The following KCNN2 variants were observed in gnomAD, a reference collection of about 807,000 sequenced individuals.
KCNN2 encodes potassium calcium-activated channel subfamily N member 2.
In KCNN2, 24 loss-of-function variants were observed where a neutral mutation model predicts 55.5. The ratio of observed to expected loss-of-function variants is 0.43; its 90% confidence interval spans 0.31 to 0.61. The LOEUF is 0.61. Ranked by LOEUF, KCNN2 falls within the 20% of genes least tolerant of loss-of-function variation. KCNN2 has a pLI of 0.08. For synonymous variants in KCNN2, 431 were observed against 336.1 expected (o/e 1.28, Z -3.09); for missense variants, 754 against 853.6 (o/e 0.88, Z 1.45).
rs529745702 is a variant in KCNN2, at chr5:114,288,871, G to A, written c.-185+67306G>A. Among the ~76,000 whole-genome samples the A allele has an allele frequency of 3.3e-5, 5 of 152,070 alleles. No individual in the cohort carries two copies. In the South Asian group the frequency reaches 1.0e-3, roughly 32 times the overall value. On this transcript the variant is annotated intron_variant, in intron 2 of 10. Transcript: ENST00000512097. ...CACAAGACTTTTTAAATTTGATGAAGTTCAGCTTATTTTTTTTTCATTGCT... is the reference window on the plus strand; with the variant it reads ...CACAAGACTTTTTAAATTTGATGAAATTCAGCTTATTTTTTTTTCATTGCT...
At chr5:114,466,427 AGTAATTGT>A (rs1761455138) in intron 4 of KCNN2, among the ~76,000 whole-genome samples, 1 of 152,066 alleles carries the variant, frequency 6.6e-6, no homozygotes, top group Non-Finnish European at 1.5e-5. Context: ...TTTCCAATAA[AGTAATTGT>A]TTTACTTAGC....
At chr5:114,287,669 G>A (rs1215052989) in intron 2 of KCNN2, among the ~76,000 whole-genome samples, 1 of 151,844 alleles carries the variant, frequency 6.6e-6, no homozygotes, top group Non-Finnish European at 1.5e-5. Flanking sequence ...AAACCTAGAT[G>A]ACGGGTTGAT....
At chr5:114,202,583 ATATTT>A (rs1561520883) in intron 1 of KCNN2, among the ~76,000 whole-genome samples, 1 of 55,404 alleles carries the variant, frequency 1.8e-5, no homozygotes, top group African/African-American at 5.3e-5. Flanking sequence ...ATATATATAT[ATATTT>A]TTTTTTTTTT....
intron 1 of KCNN2, among the ~76,000 whole-genome samples, chr5:114,093,936 A>T (rs1751202026): frequency 6.6e-6 from 1 of 152,208 alleles, no homozygotes; most frequent in African/African-American, 2.4e-5. Flanking sequence ...CTCAGTTTAT[A>T]GGTGAAAAAC....
At chr5:114,460,316 C>T (rs1475753037) in intron 3 of KCNN2, among the ~76,000 whole-genome samples, 1 of 152,142 alleles carries the variant, frequency 6.6e-6, no homozygotes, top group Admixed American at 6.5e-5. Context: ...AGTCTTGGCT[C>T]ACTGCAACCT....
intron 6 of KCNN2, 129 bp from the exon 7 acceptor site, chr5:114,493,274 T>C: frequency 1.3e-6 from 1 of 745,078 alleles, no homozygotes; most frequent in East Asian, 2.5e-5. Context: ...CAGTTTGGAC[T>C]TACCCCAAAT....
intron 2 of KCNN2, among the ~76,000 whole-genome samples, chr5:114,232,555 C>T (rs575263830): frequency 2.6e-5 from 4 of 151,152 alleles, no homozygotes; most frequent in East Asian, 1.9e-4. Flanking sequence ...CCTGTGTCCA[C>T]GATAATGAGT....
intron 2 of KCNN2, among the ~76,000 whole-genome samples, chr5:114,345,114 T>G (rs1294937524): frequency 6.6e-6 from 1 of 152,124 alleles, no homozygotes; most frequent in Non-Finnish European, 1.5e-5. Context: ...CAATGCTACA[T>G]CCACACAGTG....
chr5:114,296,778 A>G (rs1426429414), intron 2 of KCNN2, among the ~76,000 whole-genome samples: 1 of 152,218 alleles, frequency 6.6e-6, no homozygotes, highest in Non-Finnish European at 1.5e-5. Flanking sequence ...GAATAAGTAA[A>G]TATTGTTTGT....
intron 1 of KCNN2, among the ~76,000 whole-genome samples, chr5:114,197,578 G>T (rs1185187422): frequency 6.6e-6 from 1 of 152,158 alleles, no homozygotes; most frequent in African/African-American, 2.4e-5. Context: ...TGCAGCTTCT[G>T]GGGTAGAGCT....
At chr5:114,370,305 G>A (rs369871045) in intron 2 of KCNN2, among the ~76,000 whole-genome samples, 5 of 152,016 alleles carry the variant, frequency 3.3e-5, no homozygotes, top group South Asian at 4.2e-4. Context: ...AAGATTTTAC[G>A]TTCAGGTGAA....
intron 4 of KCNN2, among the ~76,000 whole-genome samples, chr5:114,464,081 G>A (rs1023036540): frequency 8.5e-5 from 13 of 152,234 alleles, no homozygotes; most frequent in Non-Finnish European, 1.3e-4. Flanking sequence ...ACATGCCATC[G>A]TTCTTCTGGC....
chr5:114,160,665 T>C (rs1468550622), intron 1 of KCNN2, among the ~76,000 whole-genome samples: 2 of 152,224 alleles, frequency 1.3e-5, no homozygotes, highest in Non-Finnish European at 2.9e-5. Flanking sequence ...CACTAAGGAC[T>C]TGCTTTATGA....
At chr5:114,214,638 T>A (rs1371905321) in intron 1 of KCNN2, among the ~76,000 whole-genome samples, 1 of 152,100 alleles carries the variant, frequency 6.6e-6, no homozygotes, top group Non-Finnish European at 1.5e-5. Context: ...TTTTTTCCTG[T>A]GTTCATTGCT....
intron 2 of KCNN2, among the ~76,000 whole-genome samples, chr5:114,312,611 C>A (rs1194201215): frequency 1.3e-5 from 2 of 151,554 alleles, no homozygotes; most frequent in East Asian, 3.9e-4. Flanking sequence ...GTGTTGAATG[C>A]AACCCCTGGA....
At chr5:114,070,445 G>T (rs147666444) in intron 1 of KCNN2, among the ~76,000 whole-genome samples, 2 of 152,036 alleles carry the variant, frequency 1.3e-5, no homozygotes, top group African/African-American at 4.8e-5. Flanking sequence ...GCATTAATGC[G>T]CATTATTCCT....
chr5:114,255,559 GCCTT>G (rs1754965075), intron 2 of KCNN2, among the ~76,000 whole-genome samples: 1 of 152,156 alleles, frequency 6.6e-6, no homozygotes, highest in Non-Finnish European at 1.5e-5. Context: ...ATAAGGCAGG[GCCTT>G]GTAGGCTGCT....
Position 114,496,159 on chromosome 5 carries a change from C to T in KCNN2, c.2353C>T (p.Pro785Ser). Reference protein sequence around the residue: ...RRRRSSSTAPPTSSESS With the variant: ...RRRRSSSTAPSTSSESS ...GCGGCGGTCCTCTTCCACAGCACCA[C>T]CAACTTCATCAGAGAGTAGCTAGAA... The change falls in exon 8 of 8, where the codon CCA (proline) becomes TCA (serine). Residue 785 changes from proline (P) to serine (S), a missense_variant. Coordinates refer to ENST00000673685, the MANE Select transcript of KCNN2 (RefSeq NM_021614.4). 6.2e-7 allele frequency: 1 copy of T among 1,613,964 alleles called. No individual in the cohort carries two copies. Among genetic ancestry groups the T allele is most frequent in the Non-Finnish European group, 8.5e-7 (1 of 1,179,944 alleles).
At chr5:114,112,805 G>A (rs1426114905) in intron 1 of KCNN2, among the ~76,000 whole-genome samples, 1 of 152,018 alleles carries the variant, frequency 6.6e-6, no homozygotes, top group Non-Finnish European at 1.5e-5. Context: ...GAATAACACC[G>A]GTTATGCACA....
Sources: allele counts gnomAD v4.1 joint callset (sites outside exome capture counted in the v4.1 genomes callset), GRCh38; gene constraint gnomAD v4.1.1; transcripts MANE v1.5; gene names NCBI Gene and HGNC (gene_info 2026-07-23, HGNC 2026-07-21).